Variants in NAV3 observed in about 807,000 individuals in gnomAD.
The protein encoded by NAV3 is neuron navigator 3.
In NAV3, 87 loss-of-function variants were observed where a neutral mutation model predicts 244.7. The observed-to-expected ratio is 0.36, with a 90% CI of 0.30 to 0.42. The LOEUF (loss-of-function observed/expected upper bound fraction) is 0.42. Among genes scored for constraint, NAV3 ranks in the 20% least tolerant of loss-of-function variants. The pLI is 1.00. For missense variants in NAV3, 2,663 were observed against 2,893.3 expected, an observed-to-expected ratio of 0.92 and a Z score of 1.83; for synonymous variants, 1,126 against 1,042.2, an observed-to-expected ratio of 1.08 and a Z score of -1.55.
chr12:77,984,479 A>AT (rs33928359), intron 5 of NAV3, among the ~76,000 whole-genome samples: 102,677 of 146,074 alleles, frequency 0.7, 36,045 homozygotes, highest in East Asian at 0.9. Context: ...TCAAGTATGC[A>AT]TTTTTTTTTT....
chr12:78,190,152 C>A lies in NAV3; in HGVS notation c.6224C>A (p.Thr2075Asn), dbSNP rs137872640. Residue 2075 changes from threonine to asparagine, a missense_variant, in exon 34 of 40, where the codon ACC becomes AAC. By Grantham distance (65) the Thr-to-Asn change is moderately conservative (BLOSUM62 0). Around this residue, in one of 6 missense-constraint regions of NAV3, gnomAD observed 543 missense variants for 672.4 expected, o/e 0.81. Coordinates refer to ENST00000397909, the MANE Select transcript of NAV3 (RefSeq NM_001024383.2). ...AACAAACTTGCTGAATATGTAATAA[C>A]CAAATCTGGAAGGAAAAAAACAGAG... is the stretch of plus-strand genomic sequence containing the variant. ...LANKLAEYVI[T>N]KSGRKKTEDA... 3.1e-6 allele frequency: 5 copies of A among 1,612,734 alleles called. No homozygotes were observed. The Admixed American group carries it at 5.0e-5, about 16-fold the overall frequency.
intron 5 of NAV3, among the ~76,000 whole-genome samples, chr12:77,970,807 T>C (rs1467130546): frequency 6.6e-6 from 1 of 152,072 alleles, no homozygotes; most frequent in Non-Finnish European, 1.5e-5. Flanking sequence ...AACAAAGAGA[T>C]GGATTCTGAA....
At chr12:77,715,136 A>G (rs1401673678) in intron 2 of NAV3, among the ~76,000 whole-genome samples, 1 of 152,022 alleles carries the variant, frequency 6.6e-6, no homozygotes, top group Non-Finnish European at 1.5e-5. Flanking sequence ...TTGTCTTGGT[A>G]ATCCAGAAAC....
In NAV3 at chr12:78,200,501, G is replaced by A; in HGVS notation, c.6744G>A (p.Met2248Ile). ...CCCGACTATTCCTTCCTTGCCCCATGGATGTAGAAGGTTCTAGAGTATGGT... is the reference window on the plus strand; with the variant it reads ...CCCGACTATTCCTTCCTTGCCCCATAGATGTAGAAGGTTCTAGAGTATGGT... ...IGPRLFLPCP[M>I]DVEGSRVWFM... is the part of the protein sequence containing the mutation. The change falls in exon 38 of 40, where the codon ATG (methionine) becomes ATA (isoleucine). Residue 2248 changes from methionine (M) to isoleucine (I), a missense_variant. Transcript: ENST00000397909. 1 of 1,591,002 alleles carries A rather than the reference G, an allele frequency of 6.3e-7. No homozygotes were observed. Among genetic ancestry groups the A allele is most frequent in the Non-Finnish European group, 8.6e-7 (1 of 1,168,146 alleles).
chr12:78,140,486 C>G (rs1342455643), intron 20 of NAV3, 152 bp downstream of exon 20: 2 of 664,508 alleles, frequency 3.0e-6, no homozygotes, highest in African/African-American at 1.8e-5. Context: ...GCCCAATACC[C>G]AATAAAGTGC....
At chr12:78,180,766 A>G (rs1474161018) in intron 29 of NAV3, 105 bp from the exon 30 acceptor site, 5 of 860,188 alleles carry the variant, frequency 5.8e-6, no homozygotes, top group South Asian at 1.9e-5. Flanking sequence ...ACATATTAAC[A>G]TGTTTTATTT....
intron 2 of NAV3, among the ~76,000 whole-genome samples, chr12:77,713,706 C>A (rs1001440788): frequency 6.6e-6 from 1 of 152,080 alleles, no homozygotes; most frequent in African/African-American, 2.4e-5. Flanking sequence ...TTTTATCTCT[C>A]TCTGGTCTAA....
At chr12:78,055,463 AT>A (rs1289920697) in intron 11 of NAV3, among the ~76,000 whole-genome samples, 3 of 152,180 alleles carry the variant, frequency 2.0e-5, no homozygotes, top group African/African-American at 7.2e-5. Flanking sequence ...GTTAACATTG[AT>A]TTCGAAAACA....
In NAV3 at chr12:78,159,247, T is replaced by A; in HGVS notation, c.4830T>A (p.Thr1610=). 1 of 1,613,474 alleles carries A rather than the reference T, an allele frequency of 6.2e-7. No individual in the cohort carries two copies. The highest frequency in any genetic ancestry group is 8.5e-7 in the Non-Finnish European group (1 of 1,179,608). Residue 1610 remains threonine (T), a synonymous_variant, in exon 23 of 40, where the codon ACT becomes ACA. Transcript: ENST00000397909. ...AAFEKSLGNM[T]GRLQSLTMTA... ...TTGAAAAGAGCTTAGGGAATATGAC[T>A]GGCCGATTGCAAAGTCTAACTATGA...
intron 2 of NAV3, among the ~76,000 whole-genome samples, chr12:77,649,622 T>A (rs1872738646): frequency 6.6e-6 from 1 of 152,152 alleles, no homozygotes; most frequent in African/African-American, 2.4e-5. Context: ...AAATTCATGT[T>A]TACTGTAACA....
At chr12:77,974,544 C>T (rs750172604) in intron 5 of NAV3, among the ~76,000 whole-genome samples, 10 of 151,934 alleles carry the variant, frequency 6.6e-5, no homozygotes, top group Non-Finnish European at 8.8e-5. Context: ...ATGATCTGCC[C>T]GCCTCAGCCT....
At chr12:77,753,329 T>C (rs1448159704) in intron 2 of NAV3, among the ~76,000 whole-genome samples, 1 of 152,168 alleles carries the variant, frequency 6.6e-6, no homozygotes, top group African/African-American at 2.4e-5. Flanking sequence ...AATTGAAATT[T>C]ATGACTGTGT....
intron 5 of NAV3, among the ~76,000 whole-genome samples, chr12:77,980,121 T>C (rs1869295984): frequency 6.6e-6 from 1 of 152,110 alleles, no homozygotes; most frequent in African/African-American, 2.4e-5. Flanking sequence ...GATATAATTA[T>C]CTGATAAGTT....
At chr12:78,205,524 T>TA (rs1295282674) in intron 39 of NAV3, among the ~76,000 whole-genome samples, 6 of 152,054 alleles carry the variant, frequency 3.9e-5, no homozygotes. Context: ...CATGGAGAAC[T>TA]AAAAAATATT....
At chr12:77,937,356 G>A (rs1428281743) in intron 1 of NAV3, among the ~76,000 whole-genome samples, 1 of 152,164 alleles carries the variant, frequency 6.6e-6, no homozygotes, top group Non-Finnish European at 1.5e-5. Context: ...GTATCTTGAA[G>A]CCAACTAGCT....
intron 2 of NAV3, among the ~76,000 whole-genome samples, chr12:77,790,057 T>C (rs551699310): frequency 6.6e-6 from 1 of 152,228 alleles, no homozygotes; most frequent in South Asian, 2.1e-4. Flanking sequence ...TTTGGCAGAT[T>C]CCACCCCTGT....
At chr12:78,062,532 T>C (rs1352885129) in intron 12 of NAV3, among the ~76,000 whole-genome samples, 1 of 152,122 alleles carries the variant, frequency 6.6e-6, no homozygotes, top group Non-Finnish European at 1.5e-5. Context: ...CAAAGTAACA[T>C]CTGCTTAATT....
At chr12:78,081,612 C>T (rs1036930047) in intron 12 of NAV3, among the ~76,000 whole-genome samples, 1 of 152,162 alleles carries the variant, frequency 6.6e-6, no homozygotes, top group Admixed American at 6.5e-5. Flanking sequence ...GATCTATTTA[C>T]CCATGTAAAT....
intron 11 of NAV3, among the ~76,000 whole-genome samples, chr12:78,051,566 A>G (rs1217020419): frequency 1.3e-5 from 2 of 152,042 alleles, no homozygotes; most frequent in African/African-American, 4.8e-5. Context: ...TACTGTCTTC[A>G]ATTATGCATC....
Sources: gnomAD v4.1 joint callset for allele counts (sites outside exome capture counted in the v4.1 genomes callset) on GRCh38, gnomAD v4.1.1 for gene constraint, gnomAD v4.1.1 regional missense constraint, MANE v1.5 for transcripts, NCBI Gene and HGNC (gene_info 2026-07-23, HGNC 2026-07-21) for gene names.